ZNF407: variants seen among roughly 807,000 people sequenced by gnomAD.
ZNF407 encodes the protein zinc finger protein 407.
ZNF407 carries 17 observed loss-of-function variants against 131.2 expected under a neutral mutation model. That is an observed-to-expected ratio of 0.13 (90% CI 0.09 to 0.19). The LOEUF (loss-of-function observed/expected upper bound fraction) is 0.19, where lower values mean the gene tolerates loss of function less well. ZNF407 is among the 10% of genes least tolerant of loss of function. The pLI, the probability that ZNF407 is intolerant of heterozygous loss-of-function variation, is 1.00. For missense variants in ZNF407, 2,681 were observed against 2,830.6 expected (o/e 0.95, Z 1.20); for synonymous variants, 1,156 against 1,062.0 (o/e 1.09, Z -1.72).
intron 8 of ZNF407, among the ~76,000 whole-genome samples, chr18:74,978,362 G>T (rs996641713): frequency 6.6e-6 from 1 of 152,148 alleles, no homozygotes; most frequent in Non-Finnish European, 1.5e-5. Context: ...CATTCCATGT[G>T]TGAAGACATA....
intron 3 of ZNF407, among the ~76,000 whole-genome samples, chr18:74,724,522 C>T (rs2404156): frequency 0.77 from 117,823 of 152,070 alleles, 45,947 homozygotes; most frequent in East Asian, 0.89. Flanking sequence ...TCTCTACTTC[C>T]ATGAGATCAA....
In ZNF407 at chr18:75,054,969, A is replaced by G. The variant is rs558000373; in HGVS notation, c.5429-8181A>G. On this transcript the variant is annotated intron_variant, in intron 8 of 8. Transcript: ENST00000299687. ...AATGCTCACACACGTGTCGGCACAC[A>G]GGAGCAGAAGGCTTGCACTGGAAGG... is the stretch of plus-strand genomic sequence containing the variant. Among the ~76,000 whole-genome samples the G allele has an allele frequency of 4.6e-5, 7 of 152,340 alleles. No homozygotes were observed. In the South Asian group the frequency reaches 1.2e-3, roughly 27 times the overall value.
In ZNF407 at chr18:74,703,824, T is replaced by A. The variant is rs1967558195; in HGVS notation, c.4802+62702T>A. 6.6e-6 allele frequency among the ~76,000 whole-genome samples: 1 copy of A among 152,204 alleles called. No individual in the cohort carries two copies. The highest frequency in any genetic ancestry group is 1.5e-5 in the Non-Finnish European group (1 of 68,044). The stretch of plus-strand genomic sequence containing the variant: ...ACTCTTTCTAAATATACAGTTTTGT[T>A]GATTAATTAATCATTTAATATTCTT... On this transcript the variant is annotated intron_variant, in intron 3 of 8. Coordinates refer to ENST00000299687, the MANE Select transcript of ZNF407 (RefSeq NM_017757.3). This position sits in a 1 kb window ranked among gnomAD's most constrained non-coding sequence, Gnocchi z 4.1.
intron 1 of ZNF407, among the ~76,000 whole-genome samples, chr18:74,612,868 A>G (rs1304186179): frequency 6.6e-6 from 1 of 152,222 alleles, no homozygotes; most frequent in Non-Finnish European, 1.5e-5. Context: ...GCTTAGGCAA[A>G]AATAGTATGT....
At chr18:75,051,235 C>G (rs917786844) in intron 8 of ZNF407, among the ~76,000 whole-genome samples, 1 of 152,096 alleles carries the variant, frequency 6.6e-6, no homozygotes, top group Non-Finnish European at 1.5e-5. Flanking sequence ...TATCCAGTTG[C>G]TTATGGACCC....
At chr18:74,638,927 T>C (rs528471266) in intron 2 of ZNF407, among the ~76,000 whole-genome samples, 50 of 152,300 alleles carry the variant, frequency 3.3e-4, no homozygotes, top group African/African-American at 1.1e-3. Flanking sequence ...TTTTTTTTCT[T>C]TAATGCGGAG....
chr18:74,932,250 A>G (rs1971991158), intron 8 of ZNF407, among the ~76,000 whole-genome samples: 1 of 152,138 alleles, frequency 6.6e-6, no homozygotes, highest in Non-Finnish European at 1.5e-5. Context: ...TTTATTTTGC[A>G]TATAGATGTC....
chr18:74,934,410 T>G (rs962119331), intron 8 of ZNF407, among the ~76,000 whole-genome samples: 2 of 152,242 alleles, frequency 1.3e-5, no homozygotes, highest in African/African-American at 4.8e-5. Flanking sequence ...ACCAGTTTCC[T>G]TCCAGATGTT....
chr18:74,795,430 A>G (rs1202994047), intron 4 of ZNF407, among the ~76,000 whole-genome samples: 1 of 149,840 alleles, frequency 6.7e-6, no homozygotes, highest in African/African-American at 2.5e-5. Context: ...TCAAGCTATT[A>G]CTCATCTATT....
intron 4 of ZNF407, among the ~76,000 whole-genome samples, chr18:74,783,612 A>G (rs973172490): frequency 6.7e-6 from 1 of 149,168 alleles, no homozygotes; most frequent in African/African-American, 2.5e-5. Context: ...TTTCTTTAAT[A>G]TTTATTTCTG....
At chr18:74,922,326 A>G (rs1971857000) in intron 8 of ZNF407, among the ~76,000 whole-genome samples, 1 of 152,190 alleles carries the variant, frequency 6.6e-6, no homozygotes, top group Admixed American at 6.5e-5. Context: ...GGCATCAGCA[A>G]AGTGTCCTCC....
At chr18:74,611,039 AT>A (rs1290381032) in intron 1 of ZNF407, among the ~76,000 whole-genome samples, 1 of 152,226 alleles carries the variant, frequency 6.6e-6, no homozygotes, top group Non-Finnish European at 1.5e-5. Context: ...ATCACTTTTG[AT>A]ATCCTCTCTA....
At chr18:74,864,311 T>C (rs1489236757) in intron 4 of ZNF407, among the ~76,000 whole-genome samples, 1 of 152,330 alleles carries the variant, frequency 6.6e-6, no homozygotes, top group East Asian at 1.9e-4. Context: ...ATTAGAATTA[T>C]AGGGTTTTAT....
At chr18:74,800,542 C>A (rs1184580943) in intron 4 of ZNF407, among the ~76,000 whole-genome samples, 1 of 152,078 alleles carries the variant, frequency 6.6e-6, no homozygotes, top group East Asian at 1.9e-4. Flanking sequence ...TCTTAAAATT[C>A]ATATTCTCCT....
intron 4 of ZNF407, among the ~76,000 whole-genome samples, chr18:74,784,856 C>T (rs1484039750): frequency 6.6e-6 from 1 of 152,210 alleles, no homozygotes; most frequent in African/African-American, 2.4e-5. Flanking sequence ...AGTATATCTT[C>T]TGTGAAAGCC....
At chr18:74,752,076 G>T (rs899580777) in intron 3 of ZNF407, among the ~76,000 whole-genome samples, 12 of 152,224 alleles carry the variant, frequency 7.9e-5, no homozygotes, top group Non-Finnish European at 1.3e-4. Flanking sequence ...TGACTGGTGT[G>T]AGATGGTATC....
At chr18:75,030,976 T>A (rs569919169) in intron 8 of ZNF407, among the ~76,000 whole-genome samples, 1 of 152,332 alleles carries the variant, frequency 6.6e-6, no homozygotes, top group South Asian at 2.1e-4. Flanking sequence ...TAAATCCTGT[T>A]TATTCAAGGT....
At chr18:75,018,929 C>T (rs926747586) in intron 8 of ZNF407, among the ~76,000 whole-genome samples, 1 of 152,062 alleles carries the variant, frequency 6.6e-6, no homozygotes, top group African/African-American at 2.4e-5. Context: ...AACTGCTCTC[C>T]ATTATTTTCT....
chr18:74,971,874 G>T (rs951819961), intron 8 of ZNF407, among the ~76,000 whole-genome samples: 1 of 152,204 alleles, frequency 6.6e-6, no homozygotes, highest in East Asian at 1.9e-4. Context: ...AAACTGGGAA[G>T]AAAAAGAGGT....
Sources: gnomAD v4.1 joint callset for allele counts (sites outside exome capture counted in the v4.1 genomes callset) on GRCh38, gnomAD v4.1.1 for gene constraint, Gnocchi (gnomAD v3.1) non-coding constraint, MANE v1.5 for transcripts, NCBI Gene and HGNC (gene_info 2026-07-23, HGNC 2026-07-21) for gene names.